The following HTR4 variants were observed in gnomAD, a reference collection of about 807,000 sequenced individuals.
HTR4 encodes the protein 5-hydroxytryptamine (serotonin) receptor 4, G protein-coupled.
HTR4 carries 16 observed loss-of-function variants against 36.8 expected under a neutral mutation model. That is an observed-to-expected ratio of 0.43 (90% CI 0.29 to 0.66). HTR4 has a LOEUF of 0.66. HTR4 is among the 30% of genes least tolerant of loss of function. The pLI is 0.13. For missense variants in HTR4, 438 were observed against 490.9 expected (o/e 0.89, Z 1.02); for synonymous variants, 189 against 185.1 (o/e 1.02, Z -0.17).
chr5:148,654,464 G>A lies in HTR4; in HGVS notation c.-450C>T. 2.0e-6 allele frequency: 2 copies of A among 985,418 alleles called. No individual in the cohort carries two copies. The highest frequency in any genetic ancestry group is 2.4e-6 in the Non-Finnish European group (2 of 829,996). 61.0% of individuals were successfully genotyped at this position (985,418 alleles called of 1,614,324 possible). A position where few individuals can be genotyped will look rare whatever the true frequency, so the allele number is the denominator to read the frequency against. ...GGGGAGTGGGCACAGAGGCGGGCTG[G>A]AGCGATCTCACCCGTTCCGGGCTGG... On this transcript the variant is annotated 5_prime_UTR_variant, in exon 1 of 7. Coordinates refer to ENST00000377888, the MANE Select transcript of HTR4 (RefSeq NM_000870.7).
chr5:148,634,637 C>T (rs1167425259), intron 2 of HTR4, among the ~76,000 whole-genome samples: 1 of 152,098 alleles, frequency 6.6e-6, no homozygotes, highest in African/African-American at 2.4e-5. Flanking sequence ...ACTGAGTCCT[C>T]GGAGAAGTCA....
intron 2 of HTR4, among the ~76,000 whole-genome samples, chr5:148,574,386 G>GCA (rs760220650): frequency 6.2e-5 from 9 of 144,968 alleles, no homozygotes; most frequent in Non-Finnish European, 1.0e-4. Context: ...TAAGGCTCTC[G>GCA]CGCGCTCTCT....
intron 4 of HTR4, among the ~76,000 whole-genome samples, chr5:148,535,170 C>T (rs1758753954): frequency 6.6e-6 from 1 of 152,120 alleles, no homozygotes; most frequent in African/African-American, 2.4e-5. Flanking sequence ...AAGTCAGCTT[C>T]AAATAAAGAC....
Position 148,509,837 on chromosome 5 carries a change from G to A in HTR4, c.695C>T (p.Ala232Val), listed in dbSNP as rs1423561410. 2 of 1,613,860 alleles carry A rather than the reference G, an allele frequency of 1.2e-6. No individual in the cohort carries two copies. Among genetic ancestry groups the A allele is most frequent in the South Asian group, 1.1e-5 (1 of 91,064 alleles). The part of the protein sequence containing the change: ...HAHQIQMLQR[A>V]GASSESRPQS... ...AGGCCTGCTCTCGGAGGAGGCTCCT[G>A]CCCGTTGTAACATCTGGATCTGATG... is the stretch of plus-strand genomic sequence containing the variant. Residue 232 changes from alanine to valine, a missense_variant, in exon 6 of 7, where the codon GCA (alanine) becomes GTA (valine). Ala to Val is a moderately conservative substitution (Grantham distance 64, BLOSUM62 0). Transcript: ENST00000377888.
At chr5:148,557,328 C>T (rs959527703) in intron 2 of HTR4, among the ~76,000 whole-genome samples, 7 of 151,774 alleles carry the variant, frequency 4.6e-5, no homozygotes, top group African/African-American at 7.3e-5. Flanking sequence ...AAAATAGATT[C>T]CATGAGTGAG....
chr5:148,604,975 T>A (rs1261912584), intron 2 of HTR4, among the ~76,000 whole-genome samples: 1 of 152,112 alleles, frequency 6.6e-6, no homozygotes, highest in African/African-American at 2.4e-5. Context: ...AATGAGATAA[T>A]AAAGGGAAAA....
At chr5:148,483,968 T>G (rs1192088613) in intron 6 of HTR4, among the ~76,000 whole-genome samples, 1 of 144,194 alleles carries the variant, frequency 6.9e-6, no homozygotes, top group Non-Finnish European at 1.6e-5. Context: ...TTTATTTATT[T>G]ATTTATTTAT....
chr5:148,505,134 G>A (rs1172769923), intron 6 of HTR4, among the ~76,000 whole-genome samples: 1 of 152,108 alleles, frequency 6.6e-6, no homozygotes, highest in African/African-American at 2.4e-5. Flanking sequence ...TAAAATACTG[G>A]CAAACCAAAT....
intron 2 of HTR4, among the ~76,000 whole-genome samples, chr5:148,563,735 G>A (rs558466060): frequency 2.0e-4 from 31 of 152,298 alleles, no homozygotes; most frequent in African/African-American, 6.7e-4. Flanking sequence ...TATTTGCATA[G>A]TATTTACCAT....
At chr5:148,587,973 T>C (rs1561636088) in intron 2 of HTR4, among the ~76,000 whole-genome samples, 1 of 152,216 alleles carries the variant, frequency 6.6e-6, no homozygotes, top group Non-Finnish European at 1.5e-5. Flanking sequence ...AGCATGGGGA[T>C]AACTGACTGC....
In HTR4 at chr5:148,549,094, G is replaced by A. The variant is rs117672046; in HGVS notation, c.153-226C>T. ...GACCCAGCGTGGTCCAGCCTCTCCT[G>A]ACTTCTCCAGACCTACCTTATACCA... On this transcript the variant is annotated intron_variant, in intron 3 of 6. Transcript: ENST00000377888. 2.4e-3 allele frequency among the ~76,000 whole-genome samples: 366 copies of A among 152,274 alleles called. 13 individuals carry two copies. In the East Asian group the frequency reaches 0.04, roughly 17 times the overall value.
chr5:148,610,197 G>A (rs1027189360), intron 2 of HTR4, among the ~76,000 whole-genome samples: 5 of 152,328 alleles, frequency 3.3e-5, no homozygotes, highest in Admixed American at 6.5e-5. Flanking sequence ...TGGTGGAGGA[G>A]CCAAGATGGC....
At chr5:148,502,220 C>T (rs1581388935) in intron 6 of HTR4, among the ~76,000 whole-genome samples, 6 of 152,282 alleles carry the variant, frequency 3.9e-5, no homozygotes, top group Admixed American at 3.9e-4. Context: ...CCCTGACCCC[C>T]AAGTAGCCTA....
chr5:148,617,894 T>C (rs1477302134), intron 2 of HTR4, among the ~76,000 whole-genome samples: 1 of 152,078 alleles, frequency 6.6e-6, no homozygotes, highest in East Asian at 1.9e-4. Context: ...ATGCTAAAAG[T>C]TGCAGTAGGA....
intron 2 of HTR4, among the ~76,000 whole-genome samples, chr5:148,599,435 A>C (rs889064903): frequency 2.0e-5 from 3 of 152,172 alleles, no homozygotes; most frequent in African/African-American, 7.2e-5. Flanking sequence ...AAGACATCTG[A>C]CTTTTCAGCA....
Position 148,654,096 on chromosome 5 carries a change from C to T in HTR4, c.-82G>A. On this transcript the variant is annotated 5_prime_UTR_variant, in exon 1 of 7. Coordinates refer to ENST00000377888, the MANE Select transcript of HTR4 (RefSeq NM_000870.7). ...GAGGCGAGGGAGCGAGGTGCCCTGG[C>T]AGATTCGAGCGGCCACCCCCAGCCG... The T allele has an allele frequency of 2.0e-6, 2 of 985,394 alleles. No individual in the cohort carries two copies. The highest frequency in any genetic ancestry group is 2.4e-6 in the Non-Finnish European group (2 of 829,932). The allele number at this position is 985,394 out of a possible 1,614,324, so 61.0% of individuals were successfully genotyped here. A position where few individuals can be genotyped will look rare whatever the true frequency, so the allele number is the denominator to read the frequency against.
chr5:148,583,104 G>A (rs113344860), intron 2 of HTR4, among the ~76,000 whole-genome samples: 5,546 of 150,694 alleles, frequency 0.037, 292 homozygotes, highest in African/African-American at 0.13. Flanking sequence ...TTTGAGATAC[G>A]TCCCATCAAT....
chr5:148,476,283 A>G (rs1755691042), downstream of HTR4, among the ~76,000 whole-genome samples: 1 of 152,214 alleles, frequency 6.6e-6, no homozygotes, highest in African/African-American at 2.4e-5. Context: ...ATGTCAAGTA[A>G]CTCACAAAAC....
intron 1 of HTR4, chr5:148,644,702 G>A (rs1663279083): frequency 6.6e-6 from 1 of 152,076 alleles, no homozygotes; most frequent in South Asian, 2.1e-4. Context: ...ATAGGAAGGT[G>A]GGATGTGGAT....
Sources: gnomAD v4.1 joint callset for allele counts (sites outside exome capture counted in the v4.1 genomes callset) on GRCh38, gnomAD v4.1.1 for gene constraint, MANE v1.5 for transcripts, NCBI Gene and HGNC (gene_info 2026-07-23, HGNC 2026-07-21) for gene names.